The following RAPGEF5 variants were observed in gnomAD, a reference collection of about 807,000 sequenced individuals.
RAPGEF5 encodes M-Ras-regulated GEF.
RAPGEF5 carries 65 observed loss-of-function variants against 125.2 expected under a neutral mutation model. The observed-to-expected ratio is 0.52, with a 90% CI of 0.43 to 0.64. The LOEUF (loss-of-function observed/expected upper bound fraction) is 0.64, where lower values mean the gene tolerates loss of function less well. RAPGEF5 is among the 30% of genes least tolerant of loss of function. RAPGEF5 has a pLI of 0.00. For synonymous variants in RAPGEF5, 391 were observed against 385.9 expected, an observed-to-expected ratio of 1.01 and a Z score of -0.16; for missense variants, 958 against 1,048.1, an observed-to-expected ratio of 0.91 and a Z score of 1.19.
At chr7:22,172,480 G>T (rs984503734) in intron 11 of RAPGEF5, among the ~76,000 whole-genome samples, 1 of 151,962 alleles carries the variant, frequency 6.6e-6, no homozygotes, top group African/African-American at 2.4e-5. Context: ...AATTTTATTT[G>T]AATGTATTTC....
chr7:22,318,854 T>G (rs113899961), intron 1 of RAPGEF5, among the ~76,000 whole-genome samples: 2,535 of 152,278 alleles, frequency 0.017, 65 homozygotes, highest in African/African-American at 0.058. Flanking sequence ...GTGCTCAGCA[T>G]TGTTGACTGT....
intron 7 of RAPGEF5, among the ~76,000 whole-genome samples, chr7:22,264,172 T>C (rs1782226779): frequency 6.6e-6 from 1 of 152,314 alleles, no homozygotes; most frequent in African/African-American, 2.4e-5. Flanking sequence ...GATATTCTTC[T>C]ATCTTAATCT....
At chr7:22,336,383 T>C (rs909534089) in intron 1 of RAPGEF5, among the ~76,000 whole-genome samples, 9 of 152,186 alleles carry the variant, frequency 5.9e-5, no homozygotes, top group African/African-American at 2.2e-4. Context: ...TAAAATTAAA[T>C]TTACTTAATT....
chr7:22,132,644 C>T (rs1169949625), intron 23 of RAPGEF5, among the ~76,000 whole-genome samples: 1 of 152,216 alleles, frequency 6.6e-6, no homozygotes, highest in Non-Finnish European at 1.5e-5. Flanking sequence ...ACTAACTCTC[C>T]AAGAATTCCA....
chr7:22,307,975 G>C (rs1345954070), intron 5 of RAPGEF5, among the ~76,000 whole-genome samples: 1 of 152,094 alleles, frequency 6.6e-6, no homozygotes, highest in Non-Finnish European at 1.5e-5. Context: ...ACATTCTGTT[G>C]AGCTCTTAGG....
At chr7:22,203,015 C>T in intron 9 of RAPGEF5, 1 of 228,226 alleles carries the variant, frequency 4.4e-6, no homozygotes, top group South Asian at 4.4e-5. Context: ...CAGGGTCTTG[C>T]TATGATTTTG....
At chr7:22,287,957 G>GA (rs1385691171) in intron 6 of RAPGEF5, among the ~76,000 whole-genome samples, 1 of 152,156 alleles carries the variant, frequency 6.6e-6, no homozygotes, top group African/African-American at 2.4e-5. Flanking sequence ...TTTGCAGGCC[G>GA]ATTGCCCACC....
chr7:22,348,786 C>A (rs1206543147), intron 1 of RAPGEF5, among the ~76,000 whole-genome samples: 1 of 152,180 alleles, frequency 6.6e-6, no homozygotes, highest in Non-Finnish European at 1.5e-5. Context: ...TACAAATATA[C>A]ACTTAGATAT....
chr7:22,151,924 C>T (rs1161136007), intron 17 of RAPGEF5, among the ~76,000 whole-genome samples: 1 of 152,120 alleles, frequency 6.6e-6, no homozygotes, highest in East Asian at 1.9e-4. Context: ...CCATTTTCTA[C>T]CACAATTGGA....
chr7:22,240,208 TCA>T (rs1786293778), intron 7 of RAPGEF5, among the ~76,000 whole-genome samples: 2 of 76,580 alleles, frequency 2.6e-5, no homozygotes, highest in African/African-American at 6.3e-5. Flanking sequence ...AGACTCCACC[TCA>T]AAAAAAAAAA....
At chr7:22,266,302 G>A (rs554543258) in intron 7 of RAPGEF5, among the ~76,000 whole-genome samples, 1 of 152,174 alleles carries the variant, frequency 6.6e-6, no homozygotes, top group East Asian at 1.9e-4. Flanking sequence ...CGCAGCAAAG[G>A]ATGCCTCCTA....
chr7:22,167,690 G>C (rs1361237851), intron 11 of RAPGEF5, among the ~76,000 whole-genome samples: 1 of 152,208 alleles, frequency 6.6e-6, no homozygotes, highest in Non-Finnish European at 1.5e-5. Flanking sequence ...CTGGGAAAGT[G>C]ATGAGTGATT....
chr7:22,334,508 A>C (rs1459823680), intron 1 of RAPGEF5, among the ~76,000 whole-genome samples: 3 of 152,200 alleles, frequency 2.0e-5, no homozygotes, highest in African/African-American at 7.2e-5. Flanking sequence ...GCAATTTCTG[A>C]TAAGGGAAAA....
chr7:22,131,681 T>C (rs1022881898), intron 23 of RAPGEF5, among the ~76,000 whole-genome samples: 2 of 152,162 alleles, frequency 1.3e-5, no homozygotes, highest in Admixed American at 6.5e-5. Context: ...ATTCGACTAG[T>C]AGAAAGCAAG....
intron 1 of RAPGEF5, among the ~76,000 whole-genome samples, chr7:22,352,100 C>A (rs1210000183): frequency 6.6e-6 from 1 of 152,194 alleles, no homozygotes; most frequent in African/African-American, 2.4e-5. Flanking sequence ...TTTGGCACAA[C>A]TGGTGAATCA....
chr7:22,131,675 G>T (rs953316822), intron 23 of RAPGEF5, among the ~76,000 whole-genome samples: 1 of 152,166 alleles, frequency 6.6e-6, no homozygotes, highest in Non-Finnish European at 1.5e-5. Context: ...GGCCCCATTC[G>T]ACTAGTAGAA....
chr7:22,180,746 T>C (rs1274326159), intron 11 of RAPGEF5, among the ~76,000 whole-genome samples: 1 of 152,128 alleles, frequency 6.6e-6, no homozygotes, highest in Non-Finnish European at 1.5e-5. Flanking sequence ...TTATCAAAAG[T>C]AGGAAAGGTA....
intron 24 of RAPGEF5, 36 bp from the exon 25 acceptor site, chr7:22,125,694 G>A (rs1197001623): frequency 1.9e-5 from 29 of 1,557,954 alleles, no homozygotes; most frequent in Non-Finnish European, 2.5e-5. Context: ...CAATGGAAGG[G>A]TCGTTGAGGG....
chr7:22,150,343 G>A (rs975594483), intron 18 of RAPGEF5, 64 bp downstream of exon 18: 39 of 1,524,764 alleles, frequency 2.6e-5, no homozygotes, highest in Middle Eastern at 1.7e-4. Context: ...AAAGTGCTCA[G>A]ATTACAGGTA....
Sources: gnomAD v4.1 joint callset for allele counts (sites outside exome capture counted in the v4.1 genomes callset) on GRCh38, gnomAD v4.1.1 for gene constraint, MANE v1.5 for transcripts, NCBI Gene and HGNC (gene_info 2026-07-23, HGNC 2026-07-21) for gene names.